Variants in CFAP20DC observed in about 807,000 individuals in gnomAD.
CFAP20DC encodes the protein CFAP20 domain containing.
A neutral mutation model predicts 101.7 loss-of-function variants in CFAP20DC; 84 were observed. The observed-to-expected ratio is 0.83, with a 90% CI of 0.69 to 0.99. CFAP20DC has a LOEUF of 0.99. Among genes scored for constraint, CFAP20DC ranks in the 50% least tolerant of loss-of-function variants. CFAP20DC has a pLI of 0.00. For missense variants in CFAP20DC, 1,007 were observed against 970.3 expected (o/e 1.04, Z -0.50); for synonymous variants, 359 against 351.2 (o/e 1.02, Z -0.25).
In CFAP20DC at chr3:58,742,438, C is replaced by A. The variant is rs368772707; in HGVS notation, c.*22G>T. On this transcript the variant is annotated 3_prime_UTR_variant, in exon 17 of 17. Coordinates refer to ENST00000482387, the MANE Select transcript of CFAP20DC (RefSeq NM_001394063.1). ...ATTCTGCTCCAGCTGGGAGTGCCTGCTCTCTGCCCCGGAAGGAGGCATTAT... is the reference window on the plus strand; with the variant it reads ...ATTCTGCTCCAGCTGGGAGTGCCTGATCTCTGCCCCGGAAGGAGGCATTAT... 7.0e-6 allele frequency: 11 copies of A among 1,576,860 alleles called. No individual in the cohort carries two copies. Among genetic ancestry groups the A allele is most frequent in the Non-Finnish European group, 9.5e-6 (11 of 1,161,360 alleles).
intron 4 of CFAP20DC, among the ~76,000 whole-genome samples, chr3:58,959,494 T>C (rs188801167): frequency 1.4e-3 from 209 of 152,338 alleles, no homozygotes; most frequent in African/African-American, 4.7e-3. Context: ...TATCCAAAGG[T>C]CTCAGCACTA....
chr3:58,983,263 T>G (rs989787004), intron 4 of CFAP20DC, among the ~76,000 whole-genome samples: 2 of 152,212 alleles, frequency 1.3e-5, no homozygotes, highest in African/African-American at 4.8e-5. Context: ...GTACATCTAT[T>G]AAAACAGCTA....
chr3:59,038,240 C>T (rs1479134540), intron 4 of CFAP20DC, among the ~76,000 whole-genome samples: 1 of 152,090 alleles, frequency 6.6e-6, no homozygotes. Flanking sequence ...TGTAACAAAC[C>T]TGCACGTTCT....
rs1009073284 is a variant in CFAP20DC, at chr3:58,722,823, C to T, written c.198-5195G>A. ...CTTGCACTGCATTTGGATTCAGTGT[C>T]AGCAGAATATAGCAGCTGCCTCCCA... On this transcript the variant is annotated intron_variant, in intron 3 of 3. Coordinates refer to the CFAP20DC transcript ENST00000486145. The surrounding 1 kb of genome is among the most constrained non-coding windows in gnomAD (Gnocchi z 4.5). Among the ~76,000 whole-genome samples the T allele has an allele frequency of 1.3e-5, 2 of 152,204 alleles. No homozygotes were observed. The highest frequency in any genetic ancestry group is 4.8e-5 in the African/African-American group (2 of 41,438).
intron 6 of CFAP20DC, among the ~76,000 whole-genome samples, chr3:58,890,350 G>A (rs1576161108): frequency 2.9e-5 from 4 of 140,080 alleles, no homozygotes; most frequent in Admixed American, 2.1e-4. Flanking sequence ...GGCTGGCCGG[G>A]CAGAGGGGCT....
Position 58,971,765 on chromosome 3 carries a change from G to A in CFAP20DC, c.279-34003C>T, listed in dbSNP as rs569380163. 2.6e-5 allele frequency among the ~76,000 whole-genome samples: 4 copies of A among 152,156 alleles called. No individual in the cohort carries two copies. Among genetic ancestry groups the A allele is most frequent in the Middle Eastern group, 3.4e-3 (1 of 294 alleles). ...AAATCGTCTCAAGGCAGGTAACAGA[G>A]AAAGCCCCACTGTCACTACCAAACC... On this transcript the variant is annotated intron_variant, in intron 4 of 16. Coordinates refer to ENST00000482387, the MANE Select transcript of CFAP20DC (RefSeq NM_001394063.1). This position sits in a 1 kb window ranked among gnomAD's most constrained non-coding sequence, Gnocchi z 4.1.
chr3:58,974,383 T>A (rs373503966), intron 4 of CFAP20DC, among the ~76,000 whole-genome samples: 26 of 152,286 alleles, frequency 1.7e-4, no homozygotes, highest in African/African-American at 5.8e-4. Context: ...CTGGTGTTAA[T>A]TCACTTAGGA....
chr3:58,860,217 C>T (rs573497527), intron 12 of CFAP20DC, among the ~76,000 whole-genome samples: 2 of 147,368 alleles, frequency 1.4e-5, no homozygotes, highest in East Asian at 3.9e-4. Context: ...AAAAAAAAAT[C>T]ATTACTCAAG....
chr3:58,863,421 T>C lies in CFAP20DC; in HGVS notation c.1593+137A>G. On this transcript the variant is annotated intron_variant, in intron 12 of 16. Coordinates refer to ENST00000482387, the MANE Select transcript of CFAP20DC (RefSeq NM_001394063.1). This position sits in a 1 kb window ranked among gnomAD's most constrained non-coding sequence, Gnocchi z 5.9. ...TTACCATAACAACCTGATGCAACTGTGGACTGACATGGCAATCTGTTGCAT... is the reference window on the plus strand; with the variant it reads ...TTACCATAACAACCTGATGCAACTGCGGACTGACATGGCAATCTGTTGCAT... The C allele has an allele frequency of 2.1e-6, 3 of 1,457,988 alleles. No homozygotes were observed. Among genetic ancestry groups the C allele is most frequent in the Non-Finnish European group, 2.7e-6 (3 of 1,110,204 alleles). The allele number at this position is 1,457,988 out of a possible 1,614,324, so 90.3% of individuals were successfully genotyped here.
At chr3:58,743,228 G>C (rs1467307508) in intron 16 of CFAP20DC, among the ~76,000 whole-genome samples, 1 of 150,942 alleles carries the variant, frequency 6.6e-6, no homozygotes, top group Non-Finnish European at 1.5e-5. Flanking sequence ...AACTGTCTAA[G>C]TCATTATCGA....
At chr3:58,802,900 T>G (rs1026760566) in intron 15 of CFAP20DC, among the ~76,000 whole-genome samples, 3 of 151,914 alleles carry the variant, frequency 2.0e-5, no homozygotes, top group Admixed American at 6.6e-5. Context: ...GAAATAAAAG[T>G]CTTTCCAGAA....
At chr3:58,967,741 T>A (rs2091673198) in intron 4 of CFAP20DC, among the ~76,000 whole-genome samples, 2 of 152,118 alleles carry the variant, frequency 1.3e-5, no homozygotes, top group South Asian at 2.1e-4. Context: ...TAGGGGTACA[T>A]GTGAAGGTTT....
At chr3:58,862,455 G>A in intron 12 of CFAP20DC, 7 of 985,388 alleles carry the variant, frequency 7.1e-6, no homozygotes, top group Non-Finnish European at 8.4e-6. Flanking sequence ...ATTTGCAGTA[G>A]GTTATGTTTG....
intron 4 of CFAP20DC, among the ~76,000 whole-genome samples, chr3:58,955,353 C>A (rs1320788737): frequency 6.6e-6 from 1 of 152,166 alleles, no homozygotes; most frequent in Non-Finnish European, 1.5e-5. Flanking sequence ...GCCACCCCTC[C>A]CCCATGTTCG....
Position 58,742,173 on chromosome 3 carries a change from T to C in CFAP20DC, c.*287A>G. 2 of 943,200 alleles carry C rather than the reference T, an allele frequency of 2.1e-6. No individual in the cohort carries two copies. The highest frequency in any genetic ancestry group is 2.6e-6 in the Non-Finnish European group (2 of 783,928). 58.4% of individuals were successfully genotyped at this position (943,200 alleles called of 1,614,324 possible). A position where few individuals can be genotyped will look rare whatever the true frequency, so the allele number is the denominator to read the frequency against. The stretch of plus-strand genomic sequence containing the variant: ...CTCTTAATTTGTTTACATAAAATTA[T>C]CTGAAATAAACAAAATTATATGTAG... On this transcript the variant is annotated 3_prime_UTR_variant, in exon 17 of 17. Coordinates refer to ENST00000482387, the MANE Select transcript of CFAP20DC (RefSeq NM_001394063.1).
intron 6 of CFAP20DC, among the ~76,000 whole-genome samples, chr3:58,909,090 C>T (rs2083889851): frequency 6.6e-6 from 1 of 152,078 alleles, no homozygotes; most frequent in Admixed American, 6.6e-5. Flanking sequence ...CAGGTCTTTA[C>T]CTATTTGCAA....
chr3:58,958,668 A>G (rs1330221186), intron 4 of CFAP20DC, among the ~76,000 whole-genome samples: 1 of 152,180 alleles, frequency 6.6e-6, no homozygotes, highest in African/African-American at 2.4e-5. Context: ...GTGAGGTATT[A>G]TCTCATTATG....
chr3:58,826,932 G>A (rs1280901670), intron 14 of CFAP20DC, among the ~76,000 whole-genome samples: 3 of 152,290 alleles, frequency 2.0e-5, no homozygotes, highest in Non-Finnish European at 4.4e-5. Flanking sequence ...ATGAAGCAGT[G>A]ACAAGTGAGT....
At chr3:58,817,353 G>C (rs1208253703) in intron 14 of CFAP20DC, among the ~76,000 whole-genome samples, 1 of 151,920 alleles carries the variant, frequency 6.6e-6, no homozygotes, top group Non-Finnish European at 1.5e-5. Context: ...AGCTATGGGA[G>C]GACATTCAAA....
Sources: gnomAD v4.1 joint callset for allele counts (sites outside exome capture counted in the v4.1 genomes callset) on GRCh38, gnomAD v4.1.1 for gene constraint, Gnocchi (gnomAD v3.1) non-coding constraint, MANE v1.5 for transcripts, NCBI Gene and HGNC (gene_info 2026-07-23, HGNC 2026-07-21) for gene names.